Variants in STXBP3 observed in about 807,000 individuals in gnomAD.
The protein encoded by STXBP3 is syntaxin binding protein 3, also known as syntaxin-binding protein 3.
STXBP3 carries 41 observed loss-of-function variants against 85.7 expected under a neutral mutation model. The ratio of observed to expected loss-of-function variants is 0.48; its 90% CI spans 0.37 to 0.62. STXBP3 has a LOEUF of 0.62. STXBP3 is among the 20% of genes least tolerant of loss of function. STXBP3 has a pLI of 0.00. For synonymous variants in STXBP3, 229 were observed against 231.7 expected, an observed-to-expected ratio of 0.99 and a Z score of 0.10; for missense variants, 563 against 703.1, an observed-to-expected ratio of 0.80 and a Z score of 2.25.
intron 11 of STXBP3, among the ~76,000 whole-genome samples, chr1:108,792,324 T>G (rs1662989746): frequency 6.6e-6 from 1 of 152,204 alleles, no homozygotes; most frequent in Non-Finnish European, 1.5e-5. Context: ...ATCTTAGGTC[T>G]ACTTTTTGGG....
chr1:108,775,743 T>G (rs1265993146), intron 7 of STXBP3, among the ~76,000 whole-genome samples: 1 of 152,178 alleles, frequency 6.6e-6, no homozygotes, highest in Admixed American at 6.6e-5. Flanking sequence ...AGATCCATTC[T>G]TTTTTATGGC....
At chr1:108,794,320 G>A (rs1223659835) in intron 12 of STXBP3, among the ~76,000 whole-genome samples, 1 of 152,158 alleles carries the variant, frequency 6.6e-6, no homozygotes, top group African/African-American at 2.4e-5. Flanking sequence ...CCAGGACTGG[G>A]TAATTTATAA....
At chr1:108,807,785 C>G (rs574600037) in intron 18 of STXBP3, among the ~76,000 whole-genome samples, 1 of 152,184 alleles carries the variant, frequency 6.6e-6, no homozygotes, top group East Asian at 1.9e-4. Flanking sequence ...CCATGTTGGC[C>G]AGGCTGGTCT....
chr1:108,772,684 C>T lies in STXBP3; in HGVS notation c.458C>T (p.Pro153Leu). 2 of 1,526,076 alleles carry T rather than the reference C, an allele frequency of 1.3e-6. No individual in the cohort carries two copies. Among genetic ancestry groups the T allele is most frequent in the Non-Finnish European group, 1.8e-6 (2 of 1,131,736 alleles). 94.5% of individuals were successfully genotyped at this position (1,526,076 alleles called of 1,614,324 possible). ...ACTTAGGTGTATACTCTTGATGTACCAGATGCATTCTATTACTGTTATAGT... is the reference window on the plus strand; with the variant it reads ...ACTTAGGTGTATACTCTTGATGTACTAGATGCATTCTATTACTGTTATAGT... ...HESQVYTLDV[P>L]DAFYYCYSPD... The change falls in exon 7 of 19, where the codon CCA (proline) becomes CTA (leucine). Residue 153 changes from proline (P) to leucine (L), a missense_variant. Coordinates refer to ENST00000370008, the MANE Select transcript of STXBP3 (RefSeq NM_007269.4).
chr1:108,776,437 G>A lies in STXBP3; in HGVS notation c.684+14G>A. 6.4e-7 allele frequency: 1 copy of A among 1,564,456 alleles called. No individual in the cohort carries two copies. The highest frequency in any genetic ancestry group is 1.4e-5 in the African/African-American group (1 of 73,776). On this transcript the variant is annotated intron_variant, in intron 8 of 18. Transcript: ENST00000370008. ...AGCCTAATAAAGGTAATGTATGCAA[G>A]GCAAGTAATGACTATGCATAAAGTC... is the stretch of plus-strand genomic sequence containing the variant.
At chr1:108,807,099 A>C (rs1443416046) in intron 17 of STXBP3, among the ~76,000 whole-genome samples, 1 of 152,096 alleles carries the variant, frequency 6.6e-6, no homozygotes, top group Non-Finnish European at 1.5e-5. Context: ...TAAAAATACA[A>C]AAATTAGCTG....
At chr1:108,749,641 T>C (rs1661861974) in intron 1 of STXBP3, among the ~76,000 whole-genome samples, 1 of 152,234 alleles carries the variant, frequency 6.6e-6, no homozygotes. Context: ...CTTTGACTCC[T>C]CTCTAAACAT....
chr1:108,804,414 C>T (rs975775048), intron 17 of STXBP3, among the ~76,000 whole-genome samples: 1 of 152,100 alleles, frequency 6.6e-6, no homozygotes, highest in East Asian at 1.9e-4. Flanking sequence ...TTGTCATACT[C>T]TCTATCCTCC....
chr1:108,801,798 A>G (rs1433737947), intron 17 of STXBP3, among the ~76,000 whole-genome samples: 2 of 151,888 alleles, frequency 1.3e-5, no homozygotes, highest in Non-Finnish European at 1.5e-5. Flanking sequence ...CCTCCCAGGT[A>G]GCTAAGGTTC....
Position 108,800,332 on chromosome 1 carries a change from A to G in STXBP3, c.1535+27A>G, listed in dbSNP as rs956437849. On this transcript the variant is annotated intron_variant, in intron 17 of 18. Transcript: ENST00000370008. Reference sequence around the variant, plus strand: ...TAAATTCTACAAGTGAAAATCAATGAAATTTTCATTCTACGGACTAATAAT... The same window carrying G: ...TAAATTCTACAAGTGAAAATCAATGGAATTTTCATTCTACGGACTAATAAT... 2.0e-6 allele frequency: 3 copies of G among 1,520,682 alleles called. No homozygotes were observed. The African/African-American group carries it at 4.1e-5, about 21-fold the overall frequency. 94.2% of individuals were successfully genotyped at this position (1,520,682 alleles called of 1,614,324 possible).
chr1:108,793,714 T>C, intron 12 of STXBP3, 67 bp downstream of exon 12: 10 of 1,373,460 alleles, frequency 7.3e-6, no homozygotes, highest in Non-Finnish European at 1.0e-5. Flanking sequence ...TTCAGTTCTG[T>C]AGTTCGATTT....
At position 108,752,003 on chromosome 1, in the gene STXBP3, G is replaced by A. The variant is rs149549195; in HGVS notation, c.50-254G>A. On this transcript the variant is annotated intron_variant, in intron 1 of 18. Coordinates refer to ENST00000370008, the MANE Select transcript of STXBP3 (RefSeq NM_007269.4). ...GTAATAATTTTAGAAATATTTTCTCGGTACGTTCATGTACTTAAATATATT... is the reference window on the plus strand; with the variant it reads ...GTAATAATTTTAGAAATATTTTCTCAGTACGTTCATGTACTTAAATATATT... 5.9e-3 allele frequency among the ~76,000 whole-genome samples: 892 copies of A among 151,754 alleles called. 5 individuals are homozygous for A. Among genetic ancestry groups the A allele is most frequent in the Non-Finnish European group, 0.01 (695 of 67,862 alleles).
chr1:108,756,141 A>G (rs1328251852), intron 3 of STXBP3, among the ~76,000 whole-genome samples: 1 of 152,218 alleles, frequency 6.6e-6, no homozygotes, highest in East Asian at 1.9e-4. Flanking sequence ...CTTAATTTCC[A>G]TAATAAAAAA....
intron 1 of STXBP3, among the ~76,000 whole-genome samples, chr1:108,751,346 C>T (rs1456604993): frequency 6.6e-6 from 1 of 152,082 alleles, no homozygotes; most frequent in Non-Finnish European, 1.5e-5. Context: ...TTTATTGTAC[C>T]ACAGTAACTG....
intron 7 of STXBP3, among the ~76,000 whole-genome samples, chr1:108,773,755 A>G (rs1332368349): frequency 6.6e-6 from 1 of 152,174 alleles, no homozygotes; most frequent in Non-Finnish European, 1.5e-5. Context: ...GTGGGAGGAA[A>G]CCAGAGTACC....
At chr1:108,799,235 T>C (rs1446023142) in intron 16 of STXBP3, among the ~76,000 whole-genome samples, 1 of 152,216 alleles carries the variant, frequency 6.6e-6, no homozygotes, top group Admixed American at 6.5e-5. Flanking sequence ...CTTAAACATA[T>C]ATGAAAAATC....
intron 13 of STXBP3, among the ~76,000 whole-genome samples, chr1:108,795,683 G>T (rs913486209): frequency 3.3e-5 from 5 of 152,070 alleles, no homozygotes; most frequent in South Asian, 2.1e-4. Context: ...GTCATATGTG[G>T]CTAGTGGCCA....
intron 9 of STXBP3, chr1:108,780,444 C>T (rs931838316): frequency 6.6e-6 from 1 of 151,746 alleles, no homozygotes; most frequent in African/African-American, 2.4e-5. Context: ...TACTATACTC[C>T]CTTCTTTCTG....
chr1:108,791,534 T>G (rs547364426), intron 11 of STXBP3, among the ~76,000 whole-genome samples: 1 of 147,732 alleles, frequency 6.8e-6, no homozygotes, highest in South Asian at 2.1e-4. Context: ...TCTGTTACCT[T>G]TTTTTTTTTA....
Sources: allele counts gnomAD v4.1 joint callset (sites outside exome capture counted in the v4.1 genomes callset), GRCh38; gene constraint gnomAD v4.1.1; transcripts MANE v1.5; gene names NCBI Gene and HGNC (gene_info 2026-07-23, HGNC 2026-07-21).